SLC39A11: variants seen among roughly 807,000 people sequenced by gnomAD.
SLC39A11 encodes zinc transporter ZIP11.
A neutral mutation model predicts 36.1 loss-of-function variants in SLC39A11; 33 were observed. The observed-to-expected ratio is 0.91, with a 90% confidence interval of 0.69 to 1.22. The LOEUF is 1.22. SLC39A11 is among the 50% of genes most tolerant of loss of function. SLC39A11 has a pLI of 0.00. For synonymous variants in SLC39A11, 166 were observed against 170.3 expected, an observed-to-expected ratio of 0.97 and a Z score of 0.20; for missense variants, 432 against 430.3, an observed-to-expected ratio of 1.00 and a Z score of -0.03.
chr17:73,054,260 G>A, intron 3 of SLC39A11, among the ~76,000 whole-genome samples: 1 of 151,998 alleles, frequency 6.6e-6, no homozygotes, highest in Non-Finnish European at 1.5e-5. Flanking sequence ...TACTCAGGAG[G>A]CTGAGGCAGG....
At chr17:72,885,052 T>G (rs576750203) in intron 5 of SLC39A11, among the ~76,000 whole-genome samples, 12 of 152,332 alleles carry the variant, frequency 7.9e-5, no homozygotes, top group South Asian at 4.1e-4. Context: ...GTTTCTAGAG[T>G]ACCATCAAAA....
At chr17:72,923,428 A>G (rs1368590004) in intron 5 of SLC39A11, among the ~76,000 whole-genome samples, 1 of 152,222 alleles carries the variant, frequency 6.6e-6, no homozygotes, top group Non-Finnish European at 1.5e-5. Context: ...AGAGCCACTG[A>G]GATGTGGGAT....
chr17:72,962,344 C>T (rs1159220955), intron 4 of SLC39A11, among the ~76,000 whole-genome samples: 1 of 152,184 alleles, frequency 6.6e-6, no homozygotes, highest in Non-Finnish European at 1.5e-5. Flanking sequence ...CAGAGTCCCA[C>T]AGGCTGAAAT....
Position 73,045,386 on chromosome 17 carries a change from T to TAAAAA in SLC39A11, c.148-13677_148-13673dup, listed in dbSNP as rs374832995. ...ACCTCCAGTGCCATGAAAACAGAGT[T>TAAAAA]AAAAAAAAAAAAAAAAAAAAAAAAA... On this transcript the variant is annotated intron_variant, in intron 3 of 9. Transcript: ENST00000255559. Among the ~76,000 whole-genome samples the TAAAAA allele has an allele frequency of 1.4e-4, 6 of 41,700 alleles. 1 individual carries two copies. The highest frequency in any genetic ancestry group is 1.0e-3 in the East Asian group (1 of 972). The allele number at this position is 41,700 out of a possible 152,430, so 27.4% of individuals were successfully genotyped here. A position where few individuals can be genotyped will look rare whatever the true frequency, so the allele number is the denominator to read the frequency against.
chr17:72,961,525 T>G (rs1189663401), intron 4 of SLC39A11, among the ~76,000 whole-genome samples: 1 of 152,186 alleles, frequency 6.6e-6, no homozygotes, highest in Non-Finnish European at 1.5e-5. Context: ...TAAAAAAATG[T>G]GGCACATATA....
At chr17:72,677,306 C>T (rs531980869) in intron 7 of SLC39A11, among the ~76,000 whole-genome samples, 3 of 152,314 alleles carry the variant, frequency 2.0e-5, no homozygotes, top group Admixed American at 6.5e-5. Context: ...AACACAGGGA[C>T]CAGCAAAAGA....
At chr17:72,717,287 C>T (rs1269991576) in intron 7 of SLC39A11, among the ~76,000 whole-genome samples, 2 of 151,892 alleles carry the variant, frequency 1.3e-5, no homozygotes, top group African/African-American at 2.4e-5. Flanking sequence ...GAGAAGACGC[C>T]GATGGAGGTA....
intron 6 of SLC39A11, among the ~76,000 whole-genome samples, chr17:72,766,971 C>T (rs2075780179): frequency 6.6e-6 from 1 of 152,094 alleles, no homozygotes; most frequent in South Asian, 2.1e-4. Flanking sequence ...GATAACCTCC[C>T]CTCCGACCAG....
intron 5 of SLC39A11, among the ~76,000 whole-genome samples, chr17:72,878,835 G>A: frequency 6.6e-6 from 1 of 152,186 alleles, no homozygotes. Context: ...TCCCACAGGT[G>A]AAGGCTCAGT....
chr17:72,985,260 A>C (rs1040110590), intron 4 of SLC39A11, among the ~76,000 whole-genome samples: 1 of 152,170 alleles, frequency 6.6e-6, no homozygotes, highest in Non-Finnish European at 1.5e-5. Context: ...GCGCCCACAG[A>C]AGGAGGAACA....
chr17:72,720,944 A>G (rs2073635999), intron 7 of SLC39A11, among the ~76,000 whole-genome samples: 1 of 152,002 alleles, frequency 6.6e-6, no homozygotes, highest in African/African-American at 2.4e-5. Context: ...GATAGGAAAC[A>G]AGACCCACCC....
intron 5 of SLC39A11, among the ~76,000 whole-genome samples, chr17:72,931,471 C>T (rs1237395413): frequency 2.6e-5 from 4 of 152,192 alleles, no homozygotes; most frequent in Admixed American, 2.6e-4. Flanking sequence ...CAAGCTCCCA[C>T]TCCCCATCTC....
intron 3 of SLC39A11, among the ~76,000 whole-genome samples, chr17:73,055,271 T>A (rs879639078): frequency 6.6e-6 from 1 of 152,230 alleles, no homozygotes; most frequent in East Asian, 1.9e-4. Context: ...GGGGAGTTCA[T>A]GCACATATTT....
chr17:72,846,082 T>C lies in SLC39A11; in HGVS notation c.601+3552A>G, dbSNP rs191218117. 3.0e-5 allele frequency among the ~76,000 whole-genome samples: 4 copies of C among 134,306 alleles called. No individual in the cohort carries two copies. In the East Asian group the frequency reaches 9.7e-4, roughly 33 times the overall value. The allele number at this position is 134,306 out of a possible 152,430, so 88.1% of individuals were successfully genotyped here. ...CCTTGCTTTGTCGCCCAGGCTGCAG[T>C]GCAGTAGCATGATCTTGGCTCACTG... On this transcript the variant is annotated intron_variant, in intron 6 of 9. Coordinates refer to ENST00000255559, the MANE Select transcript of SLC39A11 (RefSeq NM_139177.4).
At chr17:72,874,575 T>C (rs952587713) in intron 5 of SLC39A11, among the ~76,000 whole-genome samples, 8 of 152,194 alleles carry the variant, frequency 5.3e-5, no homozygotes, top group Non-Finnish European at 1.0e-4. Flanking sequence ...GTGAACAGCC[T>C]GGTATAGGAG....
At chr17:72,904,665 T>G (rs557278995) in intron 5 of SLC39A11, among the ~76,000 whole-genome samples, 146 of 152,170 alleles carry the variant, frequency 9.6e-4, no homozygotes, top group Non-Finnish European at 1.5e-3. Flanking sequence ...GGGCCCCGGT[T>G]TGTTTCTTTC....
chr17:72,649,616 C>T (rs545058039), intron 7 of SLC39A11, among the ~76,000 whole-genome samples: 2 of 151,740 alleles, frequency 1.3e-5, no homozygotes, highest in East Asian at 1.9e-4. Context: ...CTTTCTACGC[C>T]TCTGTTTCTT....
intron 7 of SLC39A11, among the ~76,000 whole-genome samples, chr17:72,682,485 C>T (rs1567941378): frequency 1.3e-5 from 2 of 152,288 alleles, no homozygotes; most frequent in South Asian, 2.1e-4. Flanking sequence ...CAAAGTTATA[C>T]GTGTAATTGA....
intron 5 of SLC39A11, among the ~76,000 whole-genome samples, chr17:72,867,159 A>G (rs1294987404): frequency 6.6e-6 from 1 of 152,178 alleles, no homozygotes; most frequent in Non-Finnish European, 1.5e-5. Flanking sequence ...GGAGAGATGC[A>G]GATTAATTTT....
Sources: gnomAD v4.1 joint callset for allele counts (sites outside exome capture counted in the v4.1 genomes callset) on GRCh38, gnomAD v4.1.1 for gene constraint, MANE v1.5 for transcripts, NCBI Gene and HGNC (gene_info 2026-07-23, HGNC 2026-07-21) for gene names.